Variants in DIAPH1 observed in about 807,000 individuals in gnomAD.
DIAPH1 encodes diaphanous related formin 1, also known as protein diaphanous homolog 1.
A neutral mutation model predicts 140.7 loss-of-function variants in DIAPH1; 46 were observed. The ratio of observed to expected loss-of-function variants is 0.33; its 90% CI spans 0.26 to 0.42. The LOEUF is 0.42. DIAPH1 is among the 10% of genes least tolerant of loss of function. The pLI is 1.00. For synonymous variants in DIAPH1, 565 were observed against 551.6 expected (o/e 1.02, Z -0.34); for missense variants, 1,310 against 1,558.7 (o/e 0.84, Z 2.69).
In DIAPH1 at chr5:141,586,761, GT is replaced by G. The variant is rs150742201; in HGVS notation, c.300+280del. 0.023 allele frequency among the ~76,000 whole-genome samples: 3,465 copies of G among 152,264 alleles called. 55 individuals are homozygous for G. The highest frequency in any genetic ancestry group is 0.046 in the East Asian group (241 of 5,184). On this transcript the variant is annotated intron_variant, in intron 3 of 27. Coordinates refer to ENST00000389054, the MANE Select transcript of DIAPH1 (RefSeq NM_005219.5). ...CATATTACCAACTCTGGTACACAGG[GT>G]TAGATGGTCCACTACGTCTTTGTGG...
intron 19 of DIAPH1, among the ~76,000 whole-genome samples, chr5:141,530,966 T>C (rs2099888131): frequency 6.6e-6 from 1 of 152,122 alleles, no homozygotes; most frequent in South Asian, 2.1e-4. Flanking sequence ...CATAATCAAG[T>C]TTTTTAAATC....
chr5:141,539,797 T>C (rs1452205185), intron 18 of DIAPH1, among the ~76,000 whole-genome samples: 1 of 152,136 alleles, frequency 6.6e-6, no homozygotes, highest in African/African-American at 2.4e-5. Flanking sequence ...TCTTTCATTC[T>C]GATTCAAGTC....
At chr5:141,551,357 G>A (rs1024324184) in intron 18 of DIAPH1, among the ~76,000 whole-genome samples, 1 of 152,140 alleles carries the variant, frequency 6.6e-6, no homozygotes, top group African/African-American at 2.4e-5. Context: ...TCAGAAGGCT[G>A]AGGTGAAAGG....
At position 141,526,263 on chromosome 5, in the gene DIAPH1, C is replaced by T. The variant is rs776065119; in HGVS notation, c.3438+34G>A. On this transcript the variant is annotated intron_variant, in intron 25 of 27. Coordinates refer to ENST00000389054, the MANE Select transcript of DIAPH1 (RefSeq NM_005219.5). ...CCCAGGGGAAAGTGAGAAATGCCCA[C>T]AAAAGATTCAGTCAGCAAGTATCCC... is the stretch of plus-strand genomic sequence containing the variant. The T allele has an allele frequency of 6.2e-6, 10 of 1,614,142 alleles. No individual in the cohort carries two copies. The South Asian group carries it at 1.1e-4, about 18-fold the overall frequency.
At chr5:141,567,675 A>C (rs577893739) in intron 18 of DIAPH1, among the ~76,000 whole-genome samples, 24 of 152,324 alleles carry the variant, frequency 1.6e-4, no homozygotes, top group African/African-American at 5.8e-4. Flanking sequence ...AAAATTCACT[A>C]ATAAAGATGC....
chr5:141,569,482 G>A (rs2099894831), intron 18 of DIAPH1, among the ~76,000 whole-genome samples: 1 of 152,166 alleles, frequency 6.6e-6, no homozygotes, highest in Admixed American at 6.5e-5. Flanking sequence ...AGTAAGGATG[G>A]CCGGGCACAG....
chr5:141,571,219 A>G (rs2154596185), intron 18 of DIAPH1, among the ~76,000 whole-genome samples: 1 of 152,312 alleles, frequency 6.6e-6, no homozygotes, highest in Admixed American at 6.5e-5. Flanking sequence ...GTTTAACGGG[A>G]AGCAAACTTT....
At chr5:141,610,655 T>C (rs2099901685) in intron 1 of DIAPH1, among the ~76,000 whole-genome samples, 1 of 151,852 alleles carries the variant, frequency 6.6e-6, no homozygotes, top group Admixed American at 6.6e-5. Context: ...GGCTGGTCTC[T>C]TGGCCAGGCT....
Position 141,516,596 on chromosome 5 carries a change from C to T in DIAPH1, c.*255G>A, listed in dbSNP as rs1163927655. 4 of 545,246 alleles carry T rather than the reference C, an allele frequency of 7.3e-6. No individual in the cohort carries two copies. The highest frequency in any genetic ancestry group is 3.1e-5 in the Admixed American group (1 of 32,444). 33.8% of individuals were successfully genotyped at this position (545,246 alleles called of 1,614,324 possible). The stretch of plus-strand genomic sequence containing the variant: ...CAGGGTTAAGGCAGCAAACATGGAC[C>T]CTGCTTTGGTAATACAACAGCCAGG... On this transcript the variant is annotated 3_prime_UTR_variant, in exon 28 of 28. Coordinates refer to ENST00000389054, the MANE Select transcript of DIAPH1 (RefSeq NM_005219.5).
chr5:141,529,141 A>G, intron 21 of DIAPH1, 31 bp downstream of exon 21: 1 of 1,602,702 alleles, frequency 6.2e-7, no homozygotes, highest in Non-Finnish European at 8.5e-7. Context: ...CAGGAGGTGG[A>G]AAACCGCTTA....
chr5:141,527,712 A>AC lies in DIAPH1; in HGVS notation c.3149-16_3149-15insG, dbSNP rs772595811. The AC allele has an allele frequency of 6.4e-7, 1 of 1,567,120 alleles. No homozygotes were observed. Among genetic ancestry groups the AC allele is most frequent in the Admixed American group, 1.9e-5 (1 of 52,824 alleles). On this transcript the variant is annotated splice_polypyrimidine_tract_variant and intron_variant, in intron 23 of 27. Coordinates refer to ENST00000389054, the MANE Select transcript of DIAPH1 (RefSeq NM_005219.5). ...TTCAGCAGAAACTAAAAAAAAAAAAAAAAAAAAAAACCATAAAAACAGACA... is the reference window on the plus strand; with the variant it reads ...TTCAGCAGAAACTAAAAAAAAAAAAACAAAAAAAAAACCATAAAAACAGACA...
At chr5:141,537,706 G>A (rs1034804471) in intron 18 of DIAPH1, among the ~76,000 whole-genome samples, 2 of 151,782 alleles carry the variant, frequency 1.3e-5, no homozygotes. Flanking sequence ...AAGTGAGGAG[G>A]GCAAAGAGAC....
At chr5:141,558,447 T>C (rs2099892990) in intron 18 of DIAPH1, 3 of 151,814 alleles carry the variant, frequency 2.0e-5, no homozygotes, top group Admixed American at 2.0e-4. Context: ...GAGTGGGGAG[T>C]TGCCTGACAT....
At chr5:141,608,338 A>G (rs1310894215) in intron 1 of DIAPH1, among the ~76,000 whole-genome samples, 1 of 152,168 alleles carries the variant, frequency 6.6e-6, no homozygotes, top group Non-Finnish European at 1.5e-5. Flanking sequence ...TGAATTAGAT[A>G]ATTCTTAGCA....
In DIAPH1 at chr5:141,618,879, G is replaced by A. The variant is rs1272478278; in HGVS notation, c.36C>T (p.Arg12=). ...EPPGGSLGPG[R]GTRDKKKGRS... ...GGCCCTTCTTCTTGTCCCGGGTCCC[G>A]CGGCCGGGCCCCAGGCTCCCGCCGG... Residue 12 remains arginine (R), a synonymous_variant, in exon 1 of 28, where the codon CGC becomes CGT. Coordinates refer to ENST00000389054, the MANE Select transcript of DIAPH1 (RefSeq NM_005219.5). 5 of 1,520,576 alleles carry A rather than the reference G, an allele frequency of 3.3e-6. No individual in the cohort carries two copies. The Admixed American group carries it at 1.0e-4, about 31-fold the overall frequency. 94.2% of individuals were successfully genotyped at this position (1,520,576 alleles called of 1,614,324 possible).
At chr5:141,517,131 CCTTACTTTG>C in intron 27 of DIAPH1, 123 bp from the exon 28 acceptor site, 4 of 1,113,174 alleles carry the variant, frequency 3.6e-6, no homozygotes, top group Non-Finnish European at 5.3e-6. Context: ...TCACAGAGGC[CCTTACTTTG>C]AAGAAAGGGG....
At position 141,586,235 on chromosome 5, in the gene DIAPH1, T is replaced by TTA. The variant is rs370817385; in HGVS notation, c.300+805_300+806dup. Among the ~76,000 whole-genome samples, 1,165 of 152,312 alleles carry TTA rather than the reference T, an allele frequency of 7.6e-3. 20 individuals are homozygous for TTA. The highest frequency in any genetic ancestry group is 0.027 in the African/African-American group (1,107 of 41,558). On this transcript the variant is annotated intron_variant, in intron 3 of 27. Transcript: ENST00000389054. ...TTGACAGACCATACTCTTAAGACTC[T>TTA]TAATGCACTTGGAATATTAAGAGAC...
intron 15 of DIAPH1, 65 bp downstream of exon 15, chr5:141,574,890 GAGATGACTGACT>G: frequency 6.7e-7 from 1 of 1,500,230 alleles, no homozygotes; most frequent in Non-Finnish European, 9.3e-7. Context: ...CCCTAGGAGC[GAGATGACTGACT>G]CCTGTTCCAA....
chr5:141,597,712 T>C (rs1209131422), intron 1 of DIAPH1, among the ~76,000 whole-genome samples: 2 of 152,218 alleles, frequency 1.3e-5, no homozygotes, highest in Admixed American at 6.5e-5. Flanking sequence ...CACCATCATC[T>C]GCTTTTGTTC....
Sources: allele counts gnomAD v4.1 joint callset (sites outside exome capture counted in the v4.1 genomes callset), GRCh38; gene constraint gnomAD v4.1.1; transcripts MANE v1.5; gene names NCBI Gene and HGNC (gene_info 2026-07-23, HGNC 2026-07-21).